QSER1: variants seen among roughly 807,000 people sequenced by gnomAD.
QSER1 encodes the protein glutamine and serine-rich protein 1.
QSER1 carries 49 observed loss-of-function variants against 158.5 expected under a neutral mutation model. The ratio of observed to expected loss-of-function variants is 0.31; its 90% CI spans 0.25 to 0.39. QSER1 has a LOEUF of 0.39. Among genes scored for constraint, QSER1 ranks in the 10% least tolerant of loss-of-function variants. The pLI, the probability that QSER1 is intolerant of heterozygous loss-of-function variation, is 1.00. For missense variants in QSER1, 1,754 were observed against 2,010.3 expected (o/e 0.87, Z 2.44); for synonymous variants, 650 against 715.5 (o/e 0.91, Z 1.46).
chr11:32,956,697 A>G (rs1340160393), intron 7 of QSER1, among the ~76,000 whole-genome samples: 1 of 152,184 alleles, frequency 6.6e-6, no homozygotes, highest in Admixed American at 6.5e-5. Flanking sequence ...AGTTTCATTA[A>G]CATTCCCACC....
At position 32,977,390 on chromosome 11, in the gene QSER1, G is replaced by A. The variant is rs374702947; in HGVS notation, c.*916G>A. ...CAGTGTTATCCAGAATATGCATTCA[G>A]TACTAGAATTAGTTTAGCTTTATAA... On this transcript the variant is annotated 3_prime_UTR_variant, in exon 13 of 13. Coordinates refer to ENST00000650167, the MANE Select transcript of QSER1 (RefSeq NM_001076786.3). 2.0e-5 allele frequency: 3 copies of A among 152,652 alleles called. No homozygotes were observed. The East Asian group carries it at 5.8e-4, about 29-fold the overall frequency. The allele number at this position is 152,652 out of a possible 1,614,324, so 9.5% of individuals were successfully genotyped here.
At chr11:32,974,240 G>A (rs972267506) in intron 11 of QSER1, among the ~76,000 whole-genome samples, 1 of 152,040 alleles carries the variant, frequency 6.6e-6, no homozygotes, top group Non-Finnish European at 1.5e-5. Flanking sequence ...TGGCAACAAA[G>A]CAAGGCCCCA....
At chr11:32,949,576 G>A (rs1184477695) in intron 4 of QSER1, among the ~76,000 whole-genome samples, 1 of 152,102 alleles carries the variant, frequency 6.6e-6, no homozygotes, top group African/African-American at 2.4e-5. Context: ...CTATGCAATT[G>A]TATAATGTTA....
At chr11:32,966,263 A>G in intron 8 of QSER1, 37 bp from the exon 9 acceptor site, 1 of 1,593,448 alleles carries the variant, frequency 6.3e-7, no homozygotes, top group Middle Eastern at 1.7e-4. Flanking sequence ...AATTGTCAGG[A>G]AGGAAAATTT....
In QSER1 at chr11:32,944,987, G is replaced by A. The variant is rs1250174096; in HGVS notation, c.4178-8870G>A. ...GTTGAATTGATCCCTTTACCATTAC[G>A]TAATGGCCTTCTTTGTCTCTTTTGA... On this transcript the variant is annotated intron_variant, in intron 4 of 12. Transcript: ENST00000650167. 8.5e-5 allele frequency among the ~76,000 whole-genome samples: 12 copies of A among 141,494 alleles called. No individual in the cohort carries two copies. The South Asian group carries it at 2.6e-3, about 30-fold the overall frequency. 92.8% of individuals were successfully genotyped at this position (141,494 alleles called of 152,430 possible).
At chr11:32,955,037 A>C (rs183075411) in intron 5 of QSER1, among the ~76,000 whole-genome samples, 245 of 152,360 alleles carry the variant, frequency 1.6e-3, no homozygotes, top group African/African-American at 5.7e-3. Flanking sequence ...TCATTAGCAG[A>C]AAACTTTCCA....
intron 1 of QSER1, among the ~76,000 whole-genome samples, chr11:32,918,802 C>G (rs781303374): frequency 4.6e-5 from 7 of 151,990 alleles, no homozygotes; most frequent in Admixed American, 1.3e-4. Context: ...CCCAAAAACC[C>G]CTGATATTTA....
chr11:32,962,120 T>A (rs1196139875), intron 8 of QSER1, among the ~76,000 whole-genome samples: 1 of 152,208 alleles, frequency 6.6e-6, no homozygotes, highest in Non-Finnish European at 1.5e-5. Flanking sequence ...ACGGTTCCAA[T>A]TTTTCCACAT....
At chr11:32,918,644 T>G (rs1191270394) in intron 1 of QSER1, among the ~76,000 whole-genome samples, 1 of 151,514 alleles carries the variant, frequency 6.6e-6, no homozygotes, top group Non-Finnish European at 1.5e-5. Flanking sequence ...TGATTTGATT[T>G]TACCTTTTTA....
In QSER1 at chr11:32,978,423, T is replaced by C. The variant is rs1394330370; in HGVS notation, c.*1949T>C. ...GGGAACTACATTTCCTAATGTGGCA[T>C]TGTAAATATACATCTTTATATTACT... On this transcript the variant is annotated 3_prime_UTR_variant, in exon 13 of 13. Transcript: ENST00000650167. 32 of 152,222 alleles carry C rather than the reference T, an allele frequency of 2.1e-4. No individual in the cohort carries two copies. The highest frequency in any genetic ancestry group is 1.9e-3 in the Admixed American group (29 of 15,280). 9.4% of individuals were successfully genotyped at this position (152,222 alleles called of 1,614,324 possible).
intron 8 of QSER1, among the ~76,000 whole-genome samples, chr11:32,964,793 T>TACACACAC (rs1852707932): frequency 8.1e-6 from 1 of 123,768 alleles, no homozygotes; most frequent in Non-Finnish European, 1.7e-5. Context: ...TACACACACA[T>TACACACAC]AAACGCACAC....
intron 4 of QSER1, among the ~76,000 whole-genome samples, chr11:32,946,328 T>A (rs1459849161): frequency 6.6e-6 from 1 of 152,206 alleles, no homozygotes; most frequent in East Asian, 1.9e-4. Context: ...TTTTAGAGTT[T>A]CCAGTTTTTC....
At chr11:32,951,291 G>C (rs1292832004) in intron 4 of QSER1, among the ~76,000 whole-genome samples, 1 of 152,062 alleles carries the variant, frequency 6.6e-6, no homozygotes, top group East Asian at 1.9e-4. Flanking sequence ...CCATTGATTT[G>C]TATCTATGTC....
intron 1 of QSER1, among the ~76,000 whole-genome samples, chr11:32,896,611 ACTC>A (rs1333361029): frequency 3.3e-5 from 5 of 151,860 alleles, no homozygotes; most frequent in African/African-American, 1.2e-4. Flanking sequence ...CTGGTCTTGA[ACTC>A]CTGACCTCAG....
chr11:32,918,370 C>A (rs1014902312), intron 1 of QSER1, among the ~76,000 whole-genome samples: 16 of 151,672 alleles, frequency 1.1e-4, no homozygotes, highest in African/African-American at 3.9e-4. Flanking sequence ...AGGGTTAGGG[C>A]ATGTGGAGAG....
intron 4 of QSER1, 84 bp from the exon 5 acceptor site, chr11:32,953,773 C>T: frequency 6.9e-7 from 1 of 1,458,440 alleles, no homozygotes; most frequent in Non-Finnish European, 9.2e-7. Context: ...TCAAGTCTTT[C>T]TTTTTAAACT....
Position 32,933,519 on chromosome 11 carries a change from C to T in QSER1, c.2261C>T (p.Ala754Val), listed in dbSNP as rs916598784. 8 of 1,612,698 alleles carry T rather than the reference C, an allele frequency of 5.0e-6. No individual in the cohort carries two copies. Among genetic ancestry groups the T allele is most frequent in the Non-Finnish European group, 5.1e-6 (6 of 1,179,500 alleles). Residue 754 changes from alanine to valine, a missense_variant, in exon 4 of 13, where the codon GCT (alanine) becomes GTT (valine). By Grantham distance (64) the Ala-to-Val change is moderately conservative. Coordinates refer to ENST00000650167, the MANE Select transcript of QSER1 (RefSeq NM_001076786.3). ...CTTGAAGATCAAGTTATTGGGGTTG[C>T]TCTGCAAGCATCAAAAAAAGAAGAA... ...SRLEDQVIGV[A>V]LQASKKEESV...
rs1199638722 is a variant in QSER1, at chr11:32,934,165, T to G, written c.2907T>G (p.Leu969=). The G allele has an allele frequency of 1.2e-6, 2 of 1,613,946 alleles. No individual in the cohort carries two copies. The highest frequency in any genetic ancestry group is 1.7e-6 in the Non-Finnish European group (2 of 1,180,016). ...CGATGTGTTTCCCAGAGGCAGTGCTTCTTAGTGATGAAAGAAATATTTTAT... is the reference window on the plus strand; with the variant it reads ...CGATGTGTTTCCCAGAGGCAGTGCTGCTTAGTGATGAAAGAAATATTTTAT... ...LGSMCFPEAV[L]LSDERNILSN... Residue 969 remains leucine, a synonymous_variant, in exon 4 of 13, where the codon CTT becomes CTG. Coordinates refer to ENST00000650167, the MANE Select transcript of QSER1 (RefSeq NM_001076786.3).
rs552616745 is a variant in QSER1, at chr11:32,979,981, G to T, written c.*3507G>T. ...TCCCAGGATAACTGCTTCTGTGTCA[G>T]TCGCATTTGACGCATAACTGCACAA... On this transcript the variant is annotated 3_prime_UTR_variant, in exon 13 of 13. Coordinates refer to ENST00000650167, the MANE Select transcript of QSER1 (RefSeq NM_001076786.3). 3 of 152,536 alleles carry T rather than the reference G, an allele frequency of 2.0e-5. No individual in the cohort carries two copies. Among genetic ancestry groups the T allele is most frequent in the African/African-American group, 7.2e-5 (3 of 41,570 alleles). 9.4% of individuals were successfully genotyped at this position (152,536 alleles called of 1,614,324 possible). A position where few individuals can be genotyped will look rare whatever the true frequency, so the allele number is the denominator to read the frequency against.
Sources: allele counts gnomAD v4.1 joint callset (sites outside exome capture counted in the v4.1 genomes callset), GRCh38; gene constraint gnomAD v4.1.1; transcripts MANE v1.5; gene names NCBI Gene and HGNC (gene_info 2026-07-23, HGNC 2026-07-21).